SHMT2: variants seen among roughly 807,000 people sequenced by gnomAD.
SHMT2 encodes the protein serine hydroxymethyltransferase 2.
A neutral mutation model predicts 59.6 loss-of-function variants in SHMT2; 38 were observed. The observed-to-expected ratio is 0.64, with a 90% CI of 0.49 to 0.84. SHMT2 has a LOEUF of 0.84. Ranked by LOEUF, SHMT2 falls within the 40% of genes least tolerant of loss-of-function variation. SHMT2 has a pLI of 0.00. For synonymous variants in SHMT2, 254 were observed against 258.1 expected (o/e 0.98, Z 0.15); for missense variants, 533 against 659.5 (o/e 0.81, Z 2.10).
At position 57,232,293 on chromosome 12, in the gene SHMT2, G is replaced by A. The variant is rs778184704; in HGVS notation, c.594+1G>A. 15 of 1,614,062 alleles carry A rather than the reference G, an allele frequency of 9.3e-6. No homozygotes were observed. Among genetic ancestry groups the A allele is most frequent in the East Asian group, 2.2e-5 (1 of 44,882 alleles). On this transcript the variant is annotated splice_donor_variant, in intron 5 of 11. Coordinates refer to ENST00000328923, the MANE Select transcript of SHMT2 (RefSeq NM_005412.6). LOFTEE classifies it high-confidence loss of function. ...CGAGTCTATGCCCTATAAGCTCAAC[G>A]TGAGTGCTCTAGGGTGTGGGGAGGG...
At chr12:57,232,875 C>A (rs371033879) in intron 7 of SHMT2, 32 bp downstream of exon 7, 46 of 1,592,718 alleles carry the variant, frequency 2.9e-5, no homozygotes, top group Middle Eastern at 3.5e-4. Flanking sequence ...CCTTGCCTTT[C>A]CCTGCCTTCA....
rs760119674 is a variant in SHMT2 at position 57,234,242 on chromosome 12, C to T, written c.1396C>T (p.Gln466Ter). ...LEVKSKTAKL[Q>*]DFKSFLLKDS... ...TCACCCTCTCTCTCTAGCCAAGCTC[C>T]AGGATTTCAAATCCTTCCTGCTTAA... The change falls in exon 12 of 12, where the codon CAG (glutamine) becomes TAG (stop). Residue 466 changes from glutamine (Q) to a stop codon, truncating the protein, a stop_gained. Transcript: ENST00000328923. LOFTEE classifies it high-confidence loss of function. 6.2e-7 allele frequency: 1 copy of T among 1,612,628 alleles called. No individual in the cohort carries two copies. The highest frequency in any genetic ancestry group is 1.3e-5 in the African/African-American group (1 of 75,002).
At chr12:57,233,496 G>A in intron 8 of SHMT2, 67 bp from the exon 9 acceptor site, 1 of 1,540,006 alleles carries the variant, frequency 6.5e-7, no homozygotes, top group East Asian at 2.3e-5. Flanking sequence ...TGAGGGTGCA[G>A]GGCCAGAGGG....
In SHMT2 at chr12:57,234,306, A is replaced by G. The variant is rs865849092; in HGVS notation, c.1460A>G (p.Gln487Arg). ...ETSQRLANLRQRVEQFARAFP... is the reference protein window; with the variant it reads ...ETSQRLANLRRRVEQFARAFP... Reference sequence around the variant, plus strand: ...AGTCAGCGTCTGGCCAACCTCAGGCAACGGGTGGAGCAGTTTGCCAGGGCC... The same window carrying G: ...AGTCAGCGTCTGGCCAACCTCAGGCGACGGGTGGAGCAGTTTGCCAGGGCC... Residue 487 changes from glutamine to arginine, a missense_variant, in exon 12 of 12, where the codon CAA (glutamine) becomes CGA (arginine). Gln to Arg is a conservative substitution (Grantham distance 43). Coordinates refer to ENST00000328923, the MANE Select transcript of SHMT2 (RefSeq NM_005412.6). The G allele has an allele frequency of 5.0e-6, 8 of 1,613,720 alleles. No homozygotes were observed. In the Middle Eastern group the frequency reaches 6.6e-4, roughly 133 times the overall value.
chr12:57,233,710 G>T (rs778330010), intron 9 of SHMT2, 39 bp from the exon 10 acceptor site: 2 of 1,613,102 alleles, frequency 1.2e-6, no homozygotes, highest in South Asian at 2.2e-5. Context: ...TCAGGCAGAG[G>T]CCCAGGACTC....
chr12:57,229,736 G>A lies in SHMT2; in HGVS notation c.-43G>A, dbSNP rs28365863. ...CTTCTTCCGACAGCTTGCTGCCCTA[G>A]ACCAGAGTTGGTGGCTGGACCTCCT... On this transcript the variant is annotated 5_prime_UTR_variant, in exon 1 of 12. Coordinates refer to ENST00000328923, the MANE Select transcript of SHMT2 (RefSeq NM_005412.6). 17,983 of 1,613,708 alleles carry A rather than the reference G, an allele frequency of 0.011. 276 individuals are homozygous for A. Among genetic ancestry groups the A allele is most frequent in the East Asian group, 0.07 (3,125 of 44,882 alleles).
At position 57,234,571 on chromosome 12, in the gene SHMT2, C is replaced by T. The variant is rs1302444705; in HGVS notation, c.*210C>T. Reference sequence around the variant, plus strand: ...TTGGTAACAAGACTTAGAAGGAGGGCCCAGGCACTTTCTGTTTGAACCCCT... The same window carrying T: ...TTGGTAACAAGACTTAGAAGGAGGGTCCAGGCACTTTCTGTTTGAACCCCT... On this transcript the variant is annotated 3_prime_UTR_variant, in exon 12 of 12. Coordinates refer to ENST00000328923, the MANE Select transcript of SHMT2 (RefSeq NM_005412.6). 3 of 465,546 alleles carry T rather than the reference C, an allele frequency of 6.4e-6. No individual in the cohort carries two copies. The highest frequency in any genetic ancestry group is 2.0e-5 in the African/African-American group (1 of 50,116). 28.8% of individuals were successfully genotyped at this position (465,546 alleles called of 1,614,324 possible). A position where few individuals can be genotyped will look rare whatever the true frequency, so the allele number is the denominator to read the frequency against.
In SHMT2 at chr12:57,233,277, G is replaced by T. The variant is rs144005044; in HGVS notation, c.955G>T (p.Val319Leu). ...ATTTGAGGACCGAATCAACTTTGCC[G>T]TGTTCCCATCCCTGCAGGGGGGCCC... ...YTFEDRINFA[V>L]FPSLQGGPHN... The change falls in exon 8 of 12, where the codon GTG becomes TTG. Residue 319 changes from valine (V) to leucine (L), a missense_variant. Transcript: ENST00000328923. 1 of 1,609,410 alleles carries T rather than the reference G, an allele frequency of 6.2e-7. No individual in the cohort carries two copies. The highest frequency in any genetic ancestry group is 8.5e-7 in the Non-Finnish European group (1 of 1,177,658).
In SHMT2 at chr12:57,234,299, C is replaced by T. The variant is rs1305045661; in HGVS notation, c.1453C>T (p.Leu485Phe). 1.1e-5 allele frequency: 18 copies of T among 1,613,848 alleles called. No homozygotes were observed. Among genetic ancestry groups the T allele is most frequent in the Non-Finnish European group, 1.4e-5 (17 of 1,179,848 alleles). ...DSETSQRLAN[L>F]RQRVEQFARA... ...AGAAACAAGTCAGCGTCTGGCCAAC[C>T]TCAGGCAACGGGTGGAGCAGTTTGC... Residue 485 changes from leucine (L) to phenylalanine (F), a missense_variant, in exon 12 of 12, where the codon CTC becomes TTC. Physicochemically the swap from Leu to Phe is conservative, Grantham distance 22. Transcript: ENST00000328923.
chr12:57,230,501 G>A (rs745608897), intron 1 of SHMT2: 12 of 1,266,980 alleles, frequency 9.5e-6, no homozygotes, highest in Non-Finnish European at 1.2e-5. Context: ...TGCCCTCTCT[G>A]GAGTTGGGGA....
Position 57,234,082 on chromosome 12 carries a change from C to T in SHMT2, c.1359C>T (p.Asn453=). Residue 453 remains asparagine (N), a synonymous_variant, in exon 11 of 12, where the codon AAC becomes AAT. Coordinates refer to ENST00000328923, the MANE Select transcript of SHMT2 (RefSeq NM_005412.6). ...RVVDFIDEGV[N]IGLEVKSKTA... Reference sequence around the variant, plus strand: ...TGGACTTTATAGATGAAGGGGTCAACATTGGCTTAGAGGTGAAGAGCAAGA... The same window carrying T: ...TGGACTTTATAGATGAAGGGGTCAATATTGGCTTAGAGGTGAAGAGCAAGA... The T allele has an allele frequency of 1.2e-6, 2 of 1,614,192 alleles. No homozygotes were observed.
rs747029594 is a variant in SHMT2, at chr12:57,232,748, C to T, written c.762C>T (p.His254=). The T allele has an allele frequency of 6.2e-7, 1 of 1,613,164 alleles. No homozygotes were observed. The highest frequency in any genetic ancestry group is 1.7e-5 in the Admixed American group (1 of 60,004). Reference sequence around the variant, plus strand: ...CACACCTGCTGGCAGACATGGCCCACATCAGTGGCCTGGTGGCTGCCAAGG... The same window carrying T: ...CACACCTGCTGGCAGACATGGCCCATATCAGTGGCCTGGTGGCTGCCAAGG... ...VKAHLLADMA[H]ISGLVAAKVI... The change falls in exon 7 of 12, where the codon CAC becomes CAT. Residue 254 remains histidine, a synonymous_variant. Transcript: ENST00000328923.
Position 57,232,730 on chromosome 12 carries a change from G to T in SHMT2, c.744G>T (p.Leu248=), listed in dbSNP as rs780089826. Residue 248 remains leucine, a synonymous_variant, in exon 7 of 12, where the codon CTG becomes CTT. Coordinates refer to ENST00000328923, the MANE Select transcript of SHMT2 (RefSeq NM_005412.6). ...REVCDEVKAH[L]LADMAHISGL... ...TGTGTGATGAAGTCAAAGCACACCT[G>T]CTGGCAGACATGGCCCACATCAGTG... 6 of 1,611,084 alleles carry T rather than the reference G, an allele frequency of 3.7e-6. No individual in the cohort carries two copies. Among genetic ancestry groups the T allele is most frequent in the Non-Finnish European group, 5.1e-6 (6 of 1,177,724 alleles).
chr12:57,231,711 AG>A lies in SHMT2; in HGVS notation c.312-1del. The A allele has an allele frequency of 6.2e-7, 1 of 1,614,058 alleles. No homozygotes were observed. The highest frequency in any genetic ancestry group is 8.5e-7 in the Non-Finnish European group (1 of 1,180,016). The stretch of plus-strand genomic sequence containing the variant: ...GCCCTCATTACCCCTCTCCCACGGC[AG>A]ATACTATGGGGGAGCAGAGGTGGTG... On this transcript the variant is annotated splice_acceptor_variant, in intron 3 of 11. Transcript: ENST00000328923. LOFTEE classifies it high-confidence loss of function.
In SHMT2 at chr12:57,229,793, T is replaced by G. The variant is rs754466364; in HGVS notation, c.15T>G (p.Ser5=). ...TCCGAGTTGCGATGCTGTACTTCTC[T>G]TTGTTTTGGGCGGCTCGGGTAAGAA... The part of the protein sequence containing the change: MLYF[S]LFWAARPLQR... The change falls in exon 1 of 12, where the codon TCT becomes TCG. Residue 5 remains serine, a synonymous_variant. Coordinates refer to ENST00000328923, the MANE Select transcript of SHMT2 (RefSeq NM_005412.6). 1.2e-6 allele frequency: 2 copies of G among 1,614,202 alleles called. No homozygotes were observed. The highest frequency in any genetic ancestry group is 1.7e-6 in the Non-Finnish European group (2 of 1,179,998).
chr12:57,234,881 C>T lies in SHMT2; in HGVS notation c.*520C>T, dbSNP rs2037492142. 1 of 156,536 alleles carries T rather than the reference C, an allele frequency of 6.4e-6. No individual in the cohort carries two copies. Among genetic ancestry groups the T allele is most frequent in the Non-Finnish European group, 1.4e-5 (1 of 70,668 alleles). The allele number at this position is 156,536 out of a possible 1,614,324, so 9.7% of individuals were successfully genotyped here. A position where few individuals can be genotyped will look rare whatever the true frequency, so the allele number is the denominator to read the frequency against. ...GTCTCTGATCAGAGCCGACACCAGA[C>T]GTGATTAGCAGGCGCAGCAAATTCA... On this transcript the variant is annotated 3_prime_UTR_variant, in exon 12 of 12. Coordinates refer to ENST00000328923, the MANE Select transcript of SHMT2 (RefSeq NM_005412.6).
At chr12:57,232,946 C>G in intron 7 of SHMT2, 103 bp downstream of exon 7, 3 of 1,459,990 alleles carry the variant, frequency 2.1e-6, no homozygotes, top group Non-Finnish European at 2.8e-6. Flanking sequence ...ACCTGCAGCC[C>G]TTAAGACTCC....
At chr12:57,234,203 G>T in intron 11 of SHMT2, 31 bp from the exon 12 acceptor site, 2 of 1,612,038 alleles carry the variant, frequency 1.2e-6, no homozygotes, top group South Asian at 2.2e-5. Context: ...CTAGAGCTCT[G>T]ACCACTTGTT....
In SHMT2 at chr12:57,234,517, A is replaced by G; in HGVS notation, c.*156A>G. The G allele has an allele frequency of 1.4e-6, 1 of 725,092 alleles. No individual in the cohort carries two copies. Among genetic ancestry groups the G allele is most frequent in the Non-Finnish European group, 2.0e-6 (1 of 488,406 alleles). 44.9% of individuals were successfully genotyped at this position (725,092 alleles called of 1,614,324 possible). On this transcript the variant is annotated 3_prime_UTR_variant, in exon 12 of 12. Transcript: ENST00000328923. The stretch of plus-strand genomic sequence containing the variant: ...ATAGTCTCCCTTCCCAGAATTTGTA[A>G]CTGAGAAGATCTTTTCTTTTTCCTT...
Sources: gnomAD v4.1 joint callset for allele counts on GRCh38, gnomAD v4.1.1 for gene constraint, MANE v1.5 for transcripts, NCBI Gene and HGNC (gene_info 2026-07-23, HGNC 2026-07-21) for gene names.